PKNOX1: variants seen among roughly 807,000 people sequenced by gnomAD.
PKNOX1 encodes the protein PBX/knotted 1 homeobox 1, also known as homeobox protein PKNOX1.
In PKNOX1, 15 loss-of-function variants were observed where a neutral mutation model predicts 51.9. The observed-to-expected ratio is 0.29, with a 90% CI of 0.19 to 0.45. PKNOX1 has a LOEUF of 0.45. PKNOX1 is among the 20% of genes least tolerant of loss of function. The probability of loss-of-function intolerance (pLI) is 1.00; values close to 1 mark genes in which losing one functional copy is unlikely to be tolerated. For synonymous variants in PKNOX1, 219 were observed against 211.1 expected (o/e 1.04, Z -0.32); for missense variants, 462 against 547.5 (o/e 0.84, Z 1.56).
Position 43,013,252 on chromosome 21 carries a change from G to A in PKNOX1, c.522+14G>A. On this transcript the variant is annotated intron_variant, in intron 5 of 10. Coordinates refer to ENST00000291547, the MANE Select transcript of PKNOX1 (RefSeq NM_004571.5). ...GTGCAGTCCCAGGTACTTACATTTGGGGGTCTCGCTTTCCCTCTCTGCCAC... is the reference window on the plus strand; with the variant it reads ...GTGCAGTCCCAGGTACTTACATTTGAGGGTCTCGCTTTCCCTCTCTGCCAC... 3 of 1,554,450 alleles carry A rather than the reference G, an allele frequency of 1.9e-6. No individual in the cohort carries two copies. Among genetic ancestry groups the A allele is most frequent in the Non-Finnish European group, 2.6e-6 (3 of 1,146,308 alleles).
chr21:43,025,637 GGT>G (rs1373441995), intron 9 of PKNOX1, among the ~76,000 whole-genome samples: 12 of 152,046 alleles, frequency 7.9e-5, no homozygotes, highest in Admixed American at 7.9e-4. Context: ...AGTGGGGGGT[GGT>G]CTTCCATTTT....
At chr21:42,991,224 C>A (rs1264922304) in intron 1 of PKNOX1, among the ~76,000 whole-genome samples, 1 of 151,848 alleles carries the variant, frequency 6.6e-6, no homozygotes, top group Non-Finnish European at 1.5e-5. Context: ...CTGTGACTCA[C>A]AGCTGTAACC....
chr21:43,030,296 T>C lies in PKNOX1; in HGVS notation c.*195T>C, dbSNP rs113882840. ...GTGTGTGTGTGTGTGTGTGTGTGCG[T>C]GTGTGCGTGTGTGTGGATTTTTAAA... On this transcript the variant is annotated 3_prime_UTR_variant, in exon 11 of 11. Transcript: ENST00000291547. The C allele has an allele frequency of 5.6e-5, 21 of 372,480 alleles. No homozygotes were observed. The highest frequency in any genetic ancestry group is 2.2e-4 in the Admixed American group (5 of 22,668). 23.1% of individuals were successfully genotyped at this position (372,480 alleles called of 1,614,324 possible).
At chr21:43,018,959 C>T (rs1276999708) in intron 7 of PKNOX1, among the ~76,000 whole-genome samples, 3 of 152,118 alleles carry the variant, frequency 2.0e-5, no homozygotes, top group Non-Finnish European at 2.9e-5. Context: ...GTGGTGCACG[C>T]CTGTAATCCC....
intron 7 of PKNOX1, 88 bp downstream of exon 7, chr21:43,018,318 C>G: frequency 2.5e-6 from 2 of 788,810 alleles, no homozygotes; most frequent in South Asian, 2.9e-5. Context: ...CTTCCCTCTG[C>G]CTGAAGAGCT....
chr21:42,992,405 T>G (rs1253194016), intron 1 of PKNOX1, among the ~76,000 whole-genome samples: 1 of 152,158 alleles, frequency 6.6e-6, no homozygotes, highest in Admixed American at 6.6e-5. Context: ...TATCTGCGTC[T>G]TCTAGAGTAG....
intron 10 of PKNOX1, 117 bp from the exon 11 acceptor site, chr21:43,029,773 T>G: frequency 1.2e-6 from 1 of 865,566 alleles, no homozygotes; most frequent in East Asian, 2.4e-5. Flanking sequence ...TCCCTAAACA[T>G]ATATAGGTGT....
At chr21:43,019,152 G>C (rs1979641772) in intron 7 of PKNOX1, among the ~76,000 whole-genome samples, 2 of 151,692 alleles carry the variant, frequency 1.3e-5, no homozygotes, top group African/African-American at 4.8e-5. Context: ...CAGCACTTTG[G>C]GAGGCCGAGA....
chr21:42,992,288 G>A lies in PKNOX1; in HGVS notation c.-56-12038G>A, dbSNP rs149717110. ...GAAGCACAATTATTTTATCGTCAGA[G>A]GTCAGGCTGTGTAGAAGAAATAGCA... On this transcript the variant is annotated intron_variant, in intron 1 of 10. Coordinates refer to ENST00000291547, the MANE Select transcript of PKNOX1 (RefSeq NM_004571.5). Among the ~76,000 whole-genome samples, 1,333 of 152,324 alleles carry A rather than the reference G, an allele frequency of 8.8e-3. 7 individuals are homozygous for A. The highest frequency in any genetic ancestry group is 0.012 in the Non-Finnish European group (826 of 68,030).
intron 1 of PKNOX1, among the ~76,000 whole-genome samples, chr21:42,984,141 AG>A (rs2059040210): frequency 6.6e-6 from 1 of 151,976 alleles, no homozygotes; most frequent in Non-Finnish European, 1.5e-5. Context: ...GATGTTGTCC[AG>A]GCTGGTCTCC....
chr21:42,977,650 C>G (rs1000841216), intron 1 of PKNOX1, among the ~76,000 whole-genome samples: 2 of 145,206 alleles, frequency 1.4e-5, no homozygotes, highest in Non-Finnish European at 3.0e-5. Context: ...CGGGTTCAAG[C>G]GATTCTCCTG....
Position 43,010,197 on chromosome 21 carries a change from T to C in PKNOX1, c.324T>C (p.Phe108=). ...RKQEKEGKPF[F]CEDPETDNLM... Reference sequence around the variant, plus strand: ...AAGAGAAGGAAGGGAAACCTTTCTTTTGTGAAGATCCAGAAACTGATAATT... The same window carrying C: ...AAGAGAAGGAAGGGAAACCTTTCTTCTGTGAAGATCCAGAAACTGATAATT... The change falls in exon 4 of 11, where the codon TTT becomes TTC. Residue 108 remains phenylalanine, a synonymous_variant. Coordinates refer to ENST00000291547, the MANE Select transcript of PKNOX1 (RefSeq NM_004571.5). The C allele has an allele frequency of 1.9e-6, 3 of 1,580,706 alleles. No homozygotes were observed. Among genetic ancestry groups the C allele is most frequent in the Non-Finnish European group, 2.6e-6 (3 of 1,162,530 alleles).
At chr21:42,987,404 A>AAATATATATATATAT in intron 1 of PKNOX1, among the ~76,000 whole-genome samples, 2 of 41,410 alleles carry the variant, frequency 4.8e-5, no homozygotes, top group African/African-American at 1.9e-4. Context: ...AAAAAAAAAA[A>AAATATATATATATAT]ATATATATAT....
intron 5 of PKNOX1, among the ~76,000 whole-genome samples, chr21:43,014,813 C>T (rs1002273258): frequency 1.3e-5 from 2 of 152,224 alleles, no homozygotes; most frequent in Non-Finnish European, 2.9e-5. Flanking sequence ...TCCTCCCACC[C>T]TGTGATTCCT....
intron 1 of PKNOX1, among the ~76,000 whole-genome samples, chr21:42,976,467 T>C (rs1295161199): frequency 3.3e-5 from 5 of 152,190 alleles, no homozygotes; most frequent in Non-Finnish European, 7.3e-5. Context: ...CATGAAAGAC[T>C]TCTTTGTAGC....
At chr21:42,974,706 C>G (rs921194327) in intron 1 of PKNOX1, 42 bp downstream of exon 1, 1 of 165,366 alleles carries the variant, frequency 6.0e-6, no homozygotes, top group African/African-American at 2.5e-5. Flanking sequence ...CGCCGCCGCT[C>G]TCGCCGCCGC....
intron 10 of PKNOX1, among the ~76,000 whole-genome samples, chr21:43,029,451 A>G (rs113528165): frequency 2.9e-5 from 2 of 68,856 alleles, no homozygotes; most frequent in Non-Finnish European, 5.9e-5. Context: ...TTTTTGAGAC[A>G]GAGTCTCACT....
intron 1 of PKNOX1, among the ~76,000 whole-genome samples, chr21:42,992,401 C>T (rs905505608): frequency 2.6e-5 from 4 of 152,160 alleles, no homozygotes; most frequent in Admixed American, 1.3e-4. Context: ...AACCTATCTG[C>T]GTCTTCTAGA....
intron 1 of PKNOX1, among the ~76,000 whole-genome samples, chr21:42,993,320 CACAGGGCCTACATCA>C (rs1414742789): frequency 6.6e-6 from 1 of 152,100 alleles, no homozygotes; most frequent in Non-Finnish European, 1.5e-5. Context: ...GTCTCGCCTC[CACAGGGCCTACATCA>C]ACAGGACTCG....
Sources: gnomAD v4.1 joint callset for allele counts (sites outside exome capture counted in the v4.1 genomes callset) on GRCh38, gnomAD v4.1.1 for gene constraint, MANE v1.5 for transcripts, NCBI Gene and HGNC (gene_info 2026-07-23, HGNC 2026-07-21) for gene names.